CEP350: variants seen among roughly 807,000 people sequenced by gnomAD.
CEP350 encodes the protein centrosome-associated protein 350.
Under a neutral mutation model 331.8 loss-of-function variants are expected in CEP350, and 126 were observed. That is an observed-to-expected ratio of 0.38 (90% CI 0.33 to 0.44). CEP350 has a LOEUF of 0.44. Among genes scored for constraint, CEP350 ranks in the 20% least tolerant of loss-of-function variants. The pLI is 1.00. For missense variants in CEP350, 3,406 were observed against 3,634.6 expected (o/e 0.94, Z 1.62); for synonymous variants, 1,200 against 1,259.5 (o/e 0.95, Z 1.00).
intron 22 of CEP350, among the ~76,000 whole-genome samples, chr1:180,050,261 G>C (rs1024920247): frequency 3.9e-5 from 6 of 152,166 alleles, no homozygotes; most frequent in Admixed American, 6.5e-5. Context: ...TCTATTTTGT[G>C]AAAGACATTG....
rs1172300474 is a variant in CEP350 at position 180,092,848 on chromosome 1, A to G, written c.6743A>G (p.Lys2248Arg). ...TSRILDMSDG[K>R]VGESSKKSEI... ...AGAATTCTTGATATGTCAGATGGCAAGGTTGGAGAATCTAGTAAAAAATCA... is the reference window on the plus strand; with the variant it reads ...AGAATTCTTGATATGTCAGATGGCAGGGTTGGAGAATCTAGTAAAAAATCA... Residue 2248 changes from lysine to arginine, a missense_variant, in exon 34 of 38, where the codon AAG (lysine) becomes AGG (arginine). Around this residue, in one of 5 missense-constraint regions of CEP350, gnomAD observed 1,415 missense variants for 1,512.3 expected, o/e 0.94. Coordinates refer to ENST00000367607, the MANE Select transcript of CEP350 (RefSeq NM_014810.5). 2 of 1,568,532 alleles carry G rather than the reference A, an allele frequency of 1.3e-6. No individual in the cohort carries two copies. The highest frequency in any genetic ancestry group is 3.8e-5 in the Admixed American group (2 of 52,882).
intron 1 of CEP350, among the ~76,000 whole-genome samples, chr1:179,971,036 T>G (rs536904835): frequency 8.0e-4 from 121 of 151,708 alleles, no homozygotes; most frequent in Non-Finnish European, 1.4e-3. Context: ...TTGTTTGTTT[T>G]TTTTTTTTTT....
intron 14 of CEP350, among the ~76,000 whole-genome samples, chr1:180,026,502 A>G (rs1230228141): frequency 6.6e-6 from 1 of 152,158 alleles, no homozygotes; most frequent in African/African-American, 2.4e-5. Flanking sequence ...ACCATTTTCA[A>G]ATATACAGTT....
Position 180,094,133 on chromosome 1 carries a change from G to A in CEP350, c.8028G>A (p.Lys2676=), listed in dbSNP as rs752765801. Residue 2676 remains lysine, a synonymous_variant, in exon 34 of 38, where the codon AAG becomes AAA. Coordinates refer to ENST00000367607, the MANE Select transcript of CEP350 (RefSeq NM_014810.5). ...ACCTCATTTCTGATGCCACAGAAAA[G>A]GTTTCCATCGCTGCAGAAGATGACA... ...NKDLISDATE[K]VSIAAEDDTL... The A allele has an allele frequency of 1.3e-5, 21 of 1,613,642 alleles. No individual in the cohort carries two copies. Among genetic ancestry groups the A allele is most frequent in the Admixed American group, 3.3e-5 (2 of 59,954 alleles).
chr1:180,052,489 G>A (rs1003789566), intron 22 of CEP350, among the ~76,000 whole-genome samples: 1 of 152,178 alleles, frequency 6.6e-6, no homozygotes, highest in Non-Finnish European at 1.5e-5. Flanking sequence ...ATAAAAAAAA[G>A]GATGCAGGAC....
intron 16 of CEP350, among the ~76,000 whole-genome samples, chr1:180,035,686 T>A (rs1656303242): frequency 6.6e-6 from 1 of 152,208 alleles, no homozygotes; most frequent in Admixed American, 6.5e-5. Context: ...ATAAAAGATT[T>A]TTTTCAAAGT....
At position 180,084,007 on chromosome 1, in the gene CEP350, ATC is replaced by A; in HGVS notation, c.6125-7_6125-6del. 1.4e-6 allele frequency: 2 copies of A among 1,414,594 alleles called. No homozygotes were observed. The highest frequency in any genetic ancestry group is 1.9e-6 in the Non-Finnish European group (2 of 1,055,900). 87.6% of individuals were successfully genotyped at this position (1,414,594 alleles called of 1,614,324 possible). On this transcript the variant is annotated splice_polypyrimidine_tract_variant and intron_variant, in intron 30 of 37. Transcript: ENST00000367607. ...CAAAATTATAAATAAAAGATTTTGTATCTCTTTCAGAAACTACATCTGACCAG... is the reference window on the plus strand; with the variant it reads ...CAAAATTATAAATAAAAGATTTTGTATCTTTCAGAAACTACATCTGACCAG...
At chr1:179,955,294 C>T (rs972545940) in intron 1 of CEP350, among the ~76,000 whole-genome samples, 152 bp downstream of exon 1, 2 of 152,208 alleles carry the variant, frequency 1.3e-5, no homozygotes, top group Non-Finnish European at 2.9e-5. Context: ...GGGGAACCTC[C>T]CTGGGTTCTG....
intron 5 of CEP350, among the ~76,000 whole-genome samples, chr1:179,995,520 G>A (rs142585289): frequency 2.6e-4 from 40 of 152,252 alleles, no homozygotes; most frequent in African/African-American, 8.9e-4. Context: ...CAGGAGAATC[G>A]CTTGAACCCG....
At chr1:180,038,412 G>T (rs1287279314) in intron 17 of CEP350, among the ~76,000 whole-genome samples, 1 of 152,144 alleles carries the variant, frequency 6.6e-6, no homozygotes, top group East Asian at 1.9e-4. Context: ...TAAGTACCTA[G>T]GAGTGGAATT....
intron 1 of CEP350, among the ~76,000 whole-genome samples, chr1:179,955,752 C>T (rs1249661123): frequency 6.6e-6 from 1 of 152,164 alleles, no homozygotes; most frequent in Non-Finnish European, 1.5e-5. Context: ...TGGAATTTGC[C>T]TGGATTTTAA....
chr1:180,067,550 C>G (rs919780891), intron 27 of CEP350, among the ~76,000 whole-genome samples: 2 of 152,068 alleles, frequency 1.3e-5, no homozygotes, highest in Admixed American at 6.6e-5. Flanking sequence ...TTAGCCAGGC[C>G]TGGTGACACA....
At chr1:180,015,747 A>C in intron 10 of CEP350, 102 bp from the exon 11 acceptor site, 2 of 1,322,184 alleles carry the variant, frequency 1.5e-6, no homozygotes, top group Non-Finnish European at 2.0e-6. Context: ...ACTACATTTT[A>C]TGATCTTTGT....
At chr1:180,088,421 CAAAAAA>C (rs10556094) in intron 32 of CEP350, among the ~76,000 whole-genome samples, 1 of 142,532 alleles carries the variant, frequency 7.0e-6, no homozygotes, top group African/African-American at 2.6e-5. Context: ...TGACTAAAAG[CAAAAAA>C]AAAAAAAAAC....
chr1:180,093,370 C>T lies in CEP350; in HGVS notation c.7265C>T (p.Ser2422Phe). ...GATAAGCCACAGCCAATGAGGAGCT[C>T]TACAAGTGGAGCCACTAGCTTTGGT... Reference protein sequence around the residue: ...CRDKPQPMRSSTSGATSFGSN... With the variant: ...CRDKPQPMRSFTSGATSFGSN... Residue 2422 changes from serine to phenylalanine, a missense_variant, in exon 34 of 38, where the codon TCT becomes TTT. Ser to Phe is a radical substitution (Grantham distance 155). Around this residue, in one of 5 missense-constraint regions of CEP350, gnomAD observed 1,415 missense variants for 1,512.3 expected, o/e 0.94. Coordinates refer to ENST00000367607, the MANE Select transcript of CEP350 (RefSeq NM_014810.5). 1 of 1,600,684 alleles carries T rather than the reference C, an allele frequency of 6.2e-7. No homozygotes were observed.
chr1:180,088,646 T>G (rs1659998884), intron 32 of CEP350, among the ~76,000 whole-genome samples: 2 of 152,222 alleles, frequency 1.3e-5, no homozygotes, highest in South Asian at 4.1e-4. Flanking sequence ...CTCATTACAA[T>G]TAATTTAGCA....
chr1:179,977,265 C>T lies in CEP350; in HGVS notation c.-13-8904C>T, dbSNP rs540199824. Among the ~76,000 whole-genome samples, 10 of 152,304 alleles carry T rather than the reference C, an allele frequency of 6.6e-5. No homozygotes were observed. In the South Asian group the frequency reaches 2.1e-3, roughly 32 times the overall value. Reference sequence around the variant, plus strand: ...GGGTGATTGATATCTCTAGTATTTACACAGCTTCATTTAACAAAGCTTTTT... The same window carrying T: ...GGGTGATTGATATCTCTAGTATTTATACAGCTTCATTTAACAAAGCTTTTT... On this transcript the variant is annotated intron_variant, in intron 1 of 37. Coordinates refer to ENST00000367607, the MANE Select transcript of CEP350 (RefSeq NM_014810.5).
At chr1:180,076,840 C>T (rs1431867210) in intron 28 of CEP350, among the ~76,000 whole-genome samples, 1 of 151,886 alleles carries the variant, frequency 6.6e-6, no homozygotes, top group Non-Finnish European at 1.5e-5. Context: ...ATAAATAAAC[C>T]TCAGATCATA....
intron 4 of CEP350, among the ~76,000 whole-genome samples, chr1:179,991,142 T>A (rs1450415425): frequency 6.6e-6 from 1 of 151,970 alleles, no homozygotes; most frequent in Non-Finnish European, 1.5e-5. Flanking sequence ...TTTTTTTAAT[T>A]CACAGATATA....
Sources: gnomAD v4.1 joint callset for allele counts (sites outside exome capture counted in the v4.1 genomes callset) on GRCh38, gnomAD v4.1.1 for gene constraint, gnomAD v4.1.1 regional missense constraint, MANE v1.5 for transcripts, NCBI Gene and HGNC (gene_info 2026-07-23, HGNC 2026-07-21) for gene names.